RASAL2: variants seen among roughly 807,000 people sequenced by gnomAD.
RASAL2 encodes the protein ras GTPase-activating protein nGAP.
RASAL2 carries 58 observed loss-of-function variants against 128.9 expected under a neutral mutation model. That is an observed-to-expected ratio of 0.45 (90% CI 0.36 to 0.56). RASAL2 has a LOEUF of 0.56. Ranked by LOEUF, RASAL2 falls within the 20% of genes least tolerant of loss-of-function variation. The pLI is 0.00. For synonymous variants in RASAL2, 561 were observed against 580.8 expected, an observed-to-expected ratio of 0.97 and a Z score of 0.49; for missense variants, 1,360 against 1,601.6, an observed-to-expected ratio of 0.85 and a Z score of 2.57.
At chr1:178,204,272 C>G (rs1662965545) in intron 1 of RASAL2, among the ~76,000 whole-genome samples, 1 of 152,012 alleles carries the variant, frequency 6.6e-6, no homozygotes, top group African/African-American at 2.4e-5. Flanking sequence ...TAATTATGAC[C>G]TTATTATTGT....
At chr1:178,314,626 AAT>A in intron 3 of RASAL2, among the ~76,000 whole-genome samples, 1 of 152,174 alleles carries the variant, frequency 6.6e-6, no homozygotes, top group East Asian at 1.9e-4. Flanking sequence ...TTATGTTTAC[AAT>A]ATTTTTTTTG....
At chr1:178,095,770 A>G (rs904326329) in intron 1 of RASAL2, among the ~76,000 whole-genome samples, 4 of 152,204 alleles carry the variant, frequency 2.6e-5, no homozygotes, top group Admixed American at 2.0e-4. Context: ...AAGATCATAG[A>G]ACTAGGAGTC....
chr1:178,143,884 C>G (rs978329311), intron 1 of RASAL2, among the ~76,000 whole-genome samples: 3 of 151,874 alleles, frequency 2.0e-5, no homozygotes, highest in African/African-American at 7.3e-5. Flanking sequence ...AAACACCTAT[C>G]ATTGAACCTA....
chr1:178,458,025 G>A lies in RASAL2; in HGVS notation c.2733G>A (p.Leu911=). 6.2e-7 allele frequency: 1 copy of A among 1,614,098 alleles called. No individual in the cohort carries two copies. Among genetic ancestry groups the A allele is most frequent in the Non-Finnish European group, 8.5e-7 (1 of 1,180,026 alleles). The change falls in exon 14 of 18, where the codon TTG becomes TTA. Residue 911 remains leucine, a synonymous_variant. Coordinates refer to ENST00000367649, the MANE Select transcript of RASAL2 (RefSeq NM_170692.4). The part of the protein sequence containing the change: ...PQVRRPLHPA[L]NQPGGLQPLS... ...TGAGAAGGCCCCTGCACCCAGCCTTGAACCAGCCAGGTGGCCTTCAGCCCT... is the reference window on the plus strand; with the variant it reads ...TGAGAAGGCCCCTGCACCCAGCCTTAAACCAGCCAGGTGGCCTTCAGCCCT...
At chr1:178,463,637 T>G (rs1647337246) in intron 14 of RASAL2, among the ~76,000 whole-genome samples, 1 of 152,164 alleles carries the variant, frequency 6.6e-6, no homozygotes, top group Non-Finnish European at 1.5e-5. Flanking sequence ...CAGTGTTCTG[T>G]AAAGATAACC....
At position 178,421,093 on chromosome 1, in the gene RASAL2, C is replaced by T. The variant is rs111969953; in HGVS notation, c.674+473C>T. On this transcript the variant is annotated intron_variant, in intron 5 of 17. Transcript: ENST00000367649. ...CTGAAGTACAGAGAGGTTAAATAATCTTGCCCAGGGTCATACAGCTAGTAA... is the reference window on the plus strand; with the variant it reads ...CTGAAGTACAGAGAGGTTAAATAATTTTGCCCAGGGTCATACAGCTAGTAA... Among the ~76,000 whole-genome samples, 1,282 of 152,256 alleles carry T rather than the reference C, an allele frequency of 8.4e-3. 18 individuals are homozygous for T. Among genetic ancestry groups the T allele is most frequent in the African/African-American group, 0.029 (1,199 of 41,554 alleles).
At chr1:178,379,117 G>C (rs1672145322) in intron 3 of RASAL2, among the ~76,000 whole-genome samples, 1 of 152,062 alleles carries the variant, frequency 6.6e-6, no homozygotes, top group Non-Finnish European at 1.5e-5. Flanking sequence ...AGACCTTTTT[G>C]ATAATATATT....
chr1:178,298,928 A>T (rs1667634019), intron 2 of RASAL2, among the ~76,000 whole-genome samples: 1 of 151,924 alleles, frequency 6.6e-6, no homozygotes, highest in South Asian at 2.1e-4. Context: ...AAAACCCCAA[A>T]ACCAAAAAAA....
intron 5 of RASAL2, among the ~76,000 whole-genome samples, chr1:178,434,751 C>CTTT (rs61682167): frequency 1.4e-5 from 2 of 145,490 alleles, no homozygotes; most frequent in African/African-American, 5.0e-5. Flanking sequence ...GCTCTAATTT[C>CTTT]TTTTTTTTTT....
intron 9 of RASAL2, among the ~76,000 whole-genome samples, chr1:178,449,752 A>G (rs189525679): frequency 6.6e-6 from 1 of 152,272 alleles, no homozygotes; most frequent in African/African-American, 2.4e-5. Context: ...TAAATATGTG[A>G]TAATCAGGGA....
intron 1 of RASAL2, among the ~76,000 whole-genome samples, chr1:178,150,918 ACTT>A (rs966328434): frequency 4.0e-5 from 6 of 151,888 alleles, no homozygotes; most frequent in Non-Finnish European, 7.4e-5. Flanking sequence ...GATTTTTTTC[ACTT>A]CTTTTGTGCT....
Position 178,454,635 on chromosome 1 carries a change from C to G in RASAL2, c.2198C>G (p.Ser733Cys). Residue 733 changes from serine (S) to cysteine (C), a missense_variant, in exon 12 of 18, where the codon TCC becomes TGC. This residue lies in a region of RASAL2 where 741 missense variants were observed against 868.6 expected (regional missense o/e 0.85). Coordinates refer to ENST00000367649, the MANE Select transcript of RASAL2 (RefSeq NM_170692.4). ...CATTCCTTACTGTGGGAAGTAGTTT[C>G]CCAACTTGATAAGGTAAAGTAGGTT... Reference protein sequence around the residue: ...VLHSLLWEVVSQLDKATVAKL... With the variant: ...VLHSLLWEVVCQLDKATVAKL... 6.2e-7 allele frequency: 1 copy of G among 1,613,522 alleles called. No homozygotes were observed. Among genetic ancestry groups the G allele is most frequent in the Middle Eastern group, 1.7e-4 (1 of 6,048 alleles).
intron 1 of RASAL2, among the ~76,000 whole-genome samples, chr1:178,211,490 C>T (rs188956988): frequency 6.6e-6 from 1 of 152,262 alleles, no homozygotes; most frequent in African/African-American, 2.4e-5. Flanking sequence ...AAGGAAGAAA[C>T]TCACTATTCC....
intron 3 of RASAL2, among the ~76,000 whole-genome samples, chr1:178,352,791 G>A (rs1670587816): frequency 6.6e-6 from 1 of 152,216 alleles, no homozygotes; most frequent in Non-Finnish European, 1.5e-5. Flanking sequence ...CCAAGCCTCA[G>A]CTCTTGCACT....
At chr1:178,393,075 C>T (rs111271448) in intron 4 of RASAL2, among the ~76,000 whole-genome samples, 1,528 of 152,198 alleles carry the variant, frequency 0.01, 20 homozygotes, top group African/African-American at 0.035. Flanking sequence ...TGTATTTGTA[C>T]TCTTATCTAA....
chr1:178,182,902 C>G (rs1249270091), intron 1 of RASAL2, among the ~76,000 whole-genome samples: 1 of 152,114 alleles, frequency 6.6e-6, no homozygotes, highest in Non-Finnish European at 1.5e-5. Flanking sequence ...TGTTCCACCT[C>G]AGATCGTCAG....
chr1:178,340,828 A>AGACT (rs1208211980), intron 3 of RASAL2, among the ~76,000 whole-genome samples: 3 of 152,336 alleles, frequency 2.0e-5, no homozygotes, highest in African/African-American at 7.2e-5. Context: ...GCACAGCTAC[A>AGACT]GACTATATAA....
In RASAL2 at chr1:178,212,788, G is replaced by A. The variant is rs191843884; in HGVS notation, c.203-70776G>A. 4.9e-4 allele frequency among the ~76,000 whole-genome samples: 74 copies of A among 152,296 alleles called. No individual in the cohort carries two copies. In the East Asian group the frequency reaches 0.01, roughly 21 times the overall value. On this transcript the variant is annotated intron_variant, in intron 1 of 17. Coordinates refer to ENST00000367649, the MANE Select transcript of RASAL2 (RefSeq NM_170692.4). ...TTACAGGCATGAGCCATGAGCCGCC[G>A]TGCCCGGCCACTTCTATCTAACTCT...
At chr1:178,413,930 T>C (rs1404218046) in intron 4 of RASAL2, among the ~76,000 whole-genome samples, 2 of 152,088 alleles carry the variant, frequency 1.3e-5, no homozygotes, top group Non-Finnish European at 2.9e-5. Context: ...ATTTCTGAGC[T>C]TGAGGACACC....
Sources: gnomAD v4.1 joint callset for allele counts (sites outside exome capture counted in the v4.1 genomes callset) on GRCh38, gnomAD v4.1.1 for gene constraint, gnomAD v4.1.1 regional missense constraint, MANE v1.5 for transcripts, NCBI Gene and HGNC (gene_info 2026-07-23, HGNC 2026-07-21) for gene names.